KCNIP4: variants seen among roughly 807,000 people sequenced by gnomAD.
KCNIP4 encodes Kv channel-interacting protein 4.
A neutral mutation model predicts 34.0 loss-of-function variants in KCNIP4; 12 were observed. The observed-to-expected ratio is 0.35, with a 90% confidence interval of 0.23 to 0.57. The LOEUF is 0.57. Among genes scored for constraint, KCNIP4 ranks in the 20% least tolerant of loss-of-function variants. KCNIP4 has a pLI of 0.83. For synonymous variants in KCNIP4, 124 were observed against 102.2 expected, an observed-to-expected ratio of 1.21 and a Z score of -1.29; for missense variants, 238 against 311.7, an observed-to-expected ratio of 0.76 and a Z score of 1.78.
chr4:21,832,123 A>G (rs1723025232), intron 1 of KCNIP4, among the ~76,000 whole-genome samples: 2 of 152,160 alleles, frequency 1.3e-5, no homozygotes. Flanking sequence ...CACATTAACA[A>G]CCTGAAAGAC....
intron 1 of KCNIP4, among the ~76,000 whole-genome samples, chr4:21,326,461 C>T (rs949462382): frequency 2.3e-5 from 3 of 131,192 alleles, no homozygotes; most frequent in African/African-American, 6.2e-5. Context: ...CATCTTTTTT[C>T]GTACCTTTTT....
intron 1 of KCNIP4, among the ~76,000 whole-genome samples, chr4:21,386,443 C>T (rs1722043401): frequency 6.6e-6 from 1 of 152,116 alleles, no homozygotes; most frequent in Non-Finnish European, 1.5e-5. Context: ...AAAAAGAACT[C>T]AGGAAAATGC....
chr4:21,475,103 C>G (rs34349139), intron 1 of KCNIP4, among the ~76,000 whole-genome samples: 107 of 151,900 alleles, frequency 7.0e-4, no homozygotes, highest in Non-Finnish European at 1.2e-3. Flanking sequence ...ATATTCTTTA[C>G]AGTTTTTGTT....
chr4:21,102,402 T>C (rs1232881424), intron 1 of KCNIP4, among the ~76,000 whole-genome samples: 1 of 151,960 alleles, frequency 6.6e-6, no homozygotes, highest in Non-Finnish European at 1.5e-5. Context: ...TGAGAGAAAA[T>C]TGTGGAAGAA....
intron 1 of KCNIP4, among the ~76,000 whole-genome samples, chr4:21,316,975 C>G (rs1002780066): frequency 6.6e-6 from 1 of 152,038 alleles, no homozygotes; most frequent in Admixed American, 6.6e-5. Flanking sequence ...AATATATATT[C>G]CATTTCTTTA....
intron 1 of KCNIP4, among the ~76,000 whole-genome samples, chr4:20,996,960 C>T (rs1358298515): frequency 6.6e-6 from 1 of 152,128 alleles, no homozygotes; most frequent in Non-Finnish European, 1.5e-5. Context: ...TTTCCTCACG[C>T]AGGCATTTGA....
chr4:21,267,961 T>C (rs1440359922), intron 1 of KCNIP4, among the ~76,000 whole-genome samples: 1 of 152,038 alleles, frequency 6.6e-6, no homozygotes, highest in Non-Finnish European at 1.5e-5. Context: ...AGAATTCAGC[T>C]GTGAATCCAT....
intron 1 of KCNIP4, among the ~76,000 whole-genome samples, chr4:21,251,923 A>C (rs1430562363): frequency 6.6e-6 from 1 of 151,550 alleles, no homozygotes. Context: ...ATGACGAGTT[A>C]ATGGGTGCAG....
chr4:21,600,565 T>C (rs938678497), intron 1 of KCNIP4, among the ~76,000 whole-genome samples: 2 of 151,900 alleles, frequency 1.3e-5, no homozygotes, highest in African/African-American at 4.8e-5. Flanking sequence ...TACTGATCAG[T>C]TGAATACCAG....
At chr4:21,821,888 ACTT>A (rs1379125925) in intron 1 of KCNIP4, among the ~76,000 whole-genome samples, 1 of 152,180 alleles carries the variant, frequency 6.6e-6, no homozygotes, top group Non-Finnish European at 1.5e-5. Context: ...GATGACTACT[ACTT>A]CTCCCTTGGA....
intron 1 of KCNIP4, among the ~76,000 whole-genome samples, chr4:21,047,039 C>A (rs1742489772): frequency 1.3e-5 from 2 of 152,206 alleles, no homozygotes; most frequent in South Asian, 4.1e-4. Flanking sequence ...GAGAAAGTAT[C>A]TCCATGGGTG....
chr4:20,959,677 C>T (rs541205636), intron 1 of KCNIP4, among the ~76,000 whole-genome samples: 2 of 152,260 alleles, frequency 1.3e-5, no homozygotes, highest in East Asian at 1.9e-4. Flanking sequence ...CCACTATCAT[C>T]GCATTTTATG....
At chr4:21,767,678 T>A (rs2109183906) in intron 1 of KCNIP4, among the ~76,000 whole-genome samples, 1 of 152,144 alleles carries the variant, frequency 6.6e-6, no homozygotes, top group East Asian at 1.9e-4. Flanking sequence ...CTGAAATATA[T>A]AAAACGTTAA....
intron 3 of KCNIP4, among the ~76,000 whole-genome samples, chr4:20,793,171 T>G (rs975603981): frequency 6.6e-6 from 1 of 152,192 alleles, no homozygotes; most frequent in African/African-American, 2.4e-5. Flanking sequence ...TCGTCCTAAA[T>G]GTCCATTTAC....
chr4:20,731,643 T>A (rs746595807), intron 8 of KCNIP4: 1 of 985,178 alleles, frequency 1.0e-6, no homozygotes, highest in Non-Finnish European at 1.2e-6. Flanking sequence ...GGAATTCTAA[T>A]GCTGTGGAGA....
chr4:20,729,875 C>CTGAACTCAGTGGCA lies in KCNIP4; in HGVS notation c.*193_*206dup, dbSNP rs1747511085. On this transcript the variant is annotated 3_prime_UTR_variant, in exon 9 of 9. Transcript: ENST00000382152. ...AGTATGAAATGAGTTAGACCATCCC[C>CTGAACTCAGTGGCA]TGAACTCAGTGGCATTATGAAAAGG... The CTGAACTCAGTGGCA allele has an allele frequency of 2.1e-6, 1 of 476,134 alleles. No homozygotes were observed. Among genetic ancestry groups the CTGAACTCAGTGGCA allele is most frequent in the Non-Finnish European group, 3.6e-6 (1 of 275,284 alleles). 29.5% of individuals were successfully genotyped at this position (476,134 alleles called of 1,614,324 possible). A position where few individuals can be genotyped will look rare whatever the true frequency, so the allele number is the denominator to read the frequency against.
At chr4:21,543,753 G>A (rs925201666) in intron 1 of KCNIP4, among the ~76,000 whole-genome samples, 2 of 152,052 alleles carry the variant, frequency 1.3e-5, no homozygotes, top group African/African-American at 4.8e-5. Context: ...ACATTGTCTT[G>A]TAAAATGTTG....
intron 1 of KCNIP4, among the ~76,000 whole-genome samples, chr4:21,820,922 T>C (rs1326565379): frequency 1.3e-5 from 2 of 152,286 alleles, no homozygotes; most frequent in East Asian, 3.9e-4. Flanking sequence ...CTAAACATTA[T>C]GCAACTGATA....
intron 3 of KCNIP4, among the ~76,000 whole-genome samples, chr4:20,814,010 TG>T (rs1379843658): frequency 6.6e-6 from 1 of 152,182 alleles, no homozygotes; most frequent in Non-Finnish European, 1.5e-5. Flanking sequence ...ACCCACTATC[TG>T]TGCAGCTGTG....
Sources: gnomAD v4.1 joint callset for allele counts (sites outside exome capture counted in the v4.1 genomes callset) on GRCh38, gnomAD v4.1.1 for gene constraint, MANE v1.5 for transcripts, NCBI Gene and HGNC (gene_info 2026-07-23, HGNC 2026-07-21) for gene names.